Variants in NEK10 observed in about 807,000 individuals in gnomAD.
The protein encoded by NEK10 is serine/threonine-protein kinase Nek10.
Under a neutral mutation model 159.8 loss-of-function variants are expected in NEK10, and 122 were observed. The ratio of observed to expected loss-of-function variants is 0.76; its 90% CI spans 0.66 to 0.89. The LOEUF (loss-of-function observed/expected upper bound fraction) is 0.89. NEK10 is among the 40% of genes least tolerant of loss of function. The pLI is 0.00. For synonymous variants in NEK10, 466 were observed against 457.1 expected, an observed-to-expected ratio of 1.02 and a Z score of -0.25; for missense variants, 1,342 against 1,323.1, an observed-to-expected ratio of 1.01 and a Z score of -0.22.
chr3:27,356,978 A>G (rs1468906621), intron 1 of NEK10, among the ~76,000 whole-genome samples: 4 of 152,228 alleles, frequency 2.6e-5, no homozygotes, highest in Admixed American at 2.6e-4. Flanking sequence ...TATGTATCAC[A>G]ATCTGTAAGG....
intron 22 of NEK10, among the ~76,000 whole-genome samples, chr3:27,273,899 C>T (rs746473622): frequency 6.6e-6 from 1 of 152,136 alleles, no homozygotes; most frequent in Non-Finnish European, 1.5e-5. Context: ...CAGGATAATG[C>T]TCAGAGTTTT....
At chr3:27,360,114 T>A (rs534463637) in intron 1 of NEK10, among the ~76,000 whole-genome samples, 1 of 152,372 alleles carries the variant, frequency 6.6e-6, no homozygotes, top group Admixed American at 6.5e-5. Flanking sequence ...TCTGGTTCTC[T>A]AGTCTAAACT....
At chr3:27,247,844 C>T (rs1401328899) in intron 23 of NEK10, among the ~76,000 whole-genome samples, 4 of 122,516 alleles carry the variant, frequency 3.3e-5, no homozygotes, top group South Asian at 2.6e-4. Context: ...TTTCTGGAGG[C>T]GTCTTTGTCT....
In NEK10 at chr3:27,106,853, T is replaced by C. The variant is rs1230042114; in HGVS notation, c.*4419A>G. ...TCCTCCATACATAAAGACAAAATTCTATCTTTGTTTAGGAGAAAGAAAGGT... is the reference window on the plus strand; with the variant it reads ...TCCTCCATACATAAAGACAAAATTCCATCTTTGTTTAGGAGAAAGAAAGGT... On this transcript the variant is annotated 3_prime_UTR_variant, in exon 36 of 36. Transcript: ENST00000691995. 2.6e-5 allele frequency among the ~76,000 whole-genome samples: 4 copies of C among 152,228 alleles called. No individual in the cohort carries two copies. Among genetic ancestry groups the C allele is most frequent in the African/African-American group, 9.6e-5 (4 of 41,466 alleles).
chr3:27,255,383 T>C, intron 23 of NEK10: 1 of 282,040 alleles, frequency 3.5e-6, no homozygotes. Context: ...TCTGAACACT[T>C]CTGCATGAAA....
chr3:27,268,823 G>T (rs1326075790), intron 22 of NEK10, among the ~76,000 whole-genome samples: 1 of 152,164 alleles, frequency 6.6e-6, no homozygotes, highest in African/African-American at 2.4e-5. Flanking sequence ...GCCATAGATA[G>T]TGACTCCTCT....
intron 23 of NEK10, among the ~76,000 whole-genome samples, chr3:27,237,667 G>A: frequency 6.6e-6 from 1 of 151,966 alleles, no homozygotes; most frequent in East Asian, 1.9e-4. Flanking sequence ...TGGGAGTGGG[G>A]TGAGGAAGGG....
At chr3:27,172,245 G>A (rs1160247316) in intron 28 of NEK10, among the ~76,000 whole-genome samples, 2 of 145,150 alleles carry the variant, frequency 1.4e-5, no homozygotes, top group African/African-American at 5.0e-5. Flanking sequence ...TAAGGCAGGA[G>A]AATCGCTTGA....
At chr3:27,359,887 A>C (rs559979507) in intron 1 of NEK10, among the ~76,000 whole-genome samples, 2 of 152,376 alleles carry the variant, frequency 1.3e-5, no homozygotes, top group African/African-American at 4.8e-5. Context: ...TTTGCAAAGA[A>C]TATTTGCACT....
chr3:27,159,353 G>C (rs1945792471), intron 30 of NEK10, among the ~76,000 whole-genome samples: 1 of 151,958 alleles, frequency 6.6e-6, no homozygotes, highest in Non-Finnish European at 1.5e-5. Flanking sequence ...ATACTATACT[G>C]GTTCTCATTT....
At chr3:27,334,421 A>T (rs1162706133) in intron 5 of NEK10, among the ~76,000 whole-genome samples, 1 of 152,204 alleles carries the variant, frequency 6.6e-6, no homozygotes, top group East Asian at 1.9e-4. Context: ...AGCCACTTGG[A>T]GGCCCAAGAA....
intron 23 of NEK10, among the ~76,000 whole-genome samples, chr3:27,251,555 T>C (rs1425683718): frequency 6.6e-6 from 1 of 152,184 alleles, no homozygotes; most frequent in Non-Finnish European, 1.5e-5. Context: ...CCACCATGAA[T>C]GTAAGTTTCC....
intron 22 of NEK10, among the ~76,000 whole-genome samples, chr3:27,261,834 C>T (rs2040438287): frequency 6.6e-6 from 1 of 152,112 alleles, no homozygotes; most frequent in South Asian, 2.1e-4. Context: ...GTTAACGTCT[C>T]CCACTATTAT....
intron 29 of NEK10, among the ~76,000 whole-genome samples, chr3:27,167,365 T>C (rs371229124): frequency 7.9e-5 from 12 of 152,052 alleles, no homozygotes; most frequent in African/African-American, 2.7e-4. Context: ...GAATTAGGCA[T>C]AGTTTGGCGC....
intron 25 of NEK10, chr3:27,194,669 T>C (rs1333932760): frequency 6.6e-6 from 1 of 152,202 alleles, no homozygotes; most frequent in Non-Finnish European, 1.5e-5. Flanking sequence ...AAAGATCCAT[T>C]TGTCCTTGGA....
intron 23 of NEK10, among the ~76,000 whole-genome samples, chr3:27,232,612 C>A (rs1210146528): frequency 6.6e-6 from 1 of 151,928 alleles, no homozygotes; most frequent in Non-Finnish European, 1.5e-5. Context: ...CAAAGCAAGG[C>A]TAAGCAAAAA....
chr3:27,332,652 G>A (rs1307968352), intron 5 of NEK10, among the ~76,000 whole-genome samples: 1 of 152,218 alleles, frequency 6.6e-6, no homozygotes, highest in Non-Finnish European at 1.5e-5. Context: ...CGTCAGCAAG[G>A]AATGGACTAA....
At chr3:27,349,735 G>T (rs2047832475) in intron 3 of NEK10, among the ~76,000 whole-genome samples, 1 of 152,074 alleles carries the variant, frequency 6.6e-6, no homozygotes, top group African/African-American at 2.4e-5. Context: ...AAAAGCTCTG[G>T]TGACATCTCC....
chr3:27,115,856 T>C (rs1940335375), intron 35 of NEK10, 84 bp downstream of exon 35: 3 of 1,014,616 alleles, frequency 3.0e-6, no homozygotes, highest in Admixed American at 2.3e-5. Flanking sequence ...AAAATCCCTC[T>C]GGAATAAAGG....
Sources: gnomAD v4.1 joint callset for allele counts (sites outside exome capture counted in the v4.1 genomes callset) on GRCh38, gnomAD v4.1.1 for gene constraint, MANE v1.5 for transcripts, NCBI Gene and HGNC (gene_info 2026-07-23, HGNC 2026-07-21) for gene names.